ROCK2: variants seen among roughly 807,000 people sequenced by gnomAD.
The protein encoded by ROCK2 is rho-associated protein kinase 2.
Under a neutral mutation model 195.1 loss-of-function variants are expected in ROCK2, and 61 were observed. The ratio of observed to expected loss-of-function variants is 0.31; its 90% CI spans 0.25 to 0.39. The LOEUF is 0.39. Among genes scored for constraint, ROCK2 ranks in the 10% least tolerant of loss-of-function variants. The pLI, the probability that ROCK2 is intolerant of heterozygous loss-of-function variation, is 1.00. For missense variants in ROCK2, 1,109 were observed against 1,637.4 expected, an observed-to-expected ratio of 0.68 and a Z score of 5.57; for synonymous variants, 504 against 545.5, an observed-to-expected ratio of 0.92 and a Z score of 1.06.
intron 3 of ROCK2, 69 bp downstream of exon 3, chr2:11,286,470 G>A: frequency 1.0e-6 from 1 of 978,988 alleles, no homozygotes; most frequent in Non-Finnish European, 1.6e-6. Context: ...GATCTACTCA[G>A]CTGCTATTGA....
At chr2:11,249,551 C>A (rs530079949) in intron 4 of ROCK2, 110 bp downstream of exon 4, 2 of 802,036 alleles carry the variant, frequency 2.5e-6, no homozygotes, top group Non-Finnish European at 3.6e-6. Flanking sequence ...AAAATAACTG[C>A]ACTGTTACCA....
chr2:11,215,183 A>C, intron 15 of ROCK2, 97 bp from the exon 16 acceptor site: 1 of 1,509,162 alleles, frequency 6.6e-7, no homozygotes, highest in Non-Finnish European at 8.9e-7. Flanking sequence ...TATTTAAAAT[A>C]AACAAAAACC....
At chr2:11,226,687 G>C (rs1012161608) in intron 6 of ROCK2, among the ~76,000 whole-genome samples, 7 of 152,008 alleles carry the variant, frequency 4.6e-5, no homozygotes, top group Non-Finnish European at 7.4e-5. Flanking sequence ...TGAGGTGGGA[G>C]TAACACTTGA....
At chr2:11,338,105 G>T (rs567673531) in intron 1 of ROCK2, among the ~76,000 whole-genome samples, 21 of 152,154 alleles carry the variant, frequency 1.4e-4, no homozygotes, top group Non-Finnish European at 2.2e-4. Flanking sequence ...ACGTTTTCAG[G>T]GGCTGAGGCT....
At chr2:11,275,182 G>A (rs754005526) in intron 3 of ROCK2, among the ~76,000 whole-genome samples, 1 of 151,864 alleles carries the variant, frequency 6.6e-6, no homozygotes, top group African/African-American at 2.4e-5. Flanking sequence ...GCTTGAACCC[G>A]GGAGGCAGAG....
At chr2:11,308,046 C>G (rs1200302991) in intron 1 of ROCK2, 2 of 1,594,940 alleles carry the variant, frequency 1.3e-6, no homozygotes, top group South Asian at 1.1e-5. Context: ...GACCCGGAGT[C>G]TGCTGCAGCG....
intron 3 of ROCK2, among the ~76,000 whole-genome samples, chr2:11,276,800 C>T (rs1329604186): frequency 2.6e-5 from 4 of 151,864 alleles, no homozygotes; most frequent in Admixed American, 1.3e-4. Flanking sequence ...TGTATGTATA[C>T]ATATATATGC....
intron 5 of ROCK2, among the ~76,000 whole-genome samples, chr2:11,232,879 G>T (rs1239205208): frequency 2.0e-5 from 3 of 152,166 alleles, no homozygotes; most frequent in Non-Finnish European, 2.9e-5. Context: ...AGAAATGACT[G>T]ACAAATATAT....
chr2:11,279,992 A>G (rs1419313514), intron 3 of ROCK2, among the ~76,000 whole-genome samples: 1 of 152,216 alleles, frequency 6.6e-6, no homozygotes, highest in East Asian at 1.9e-4. Context: ...ATGAAAATAA[A>G]AACAAAACTT....
intron 1 of ROCK2, among the ~76,000 whole-genome samples, chr2:11,296,000 A>G (rs1321691840): frequency 1.4e-3 from 33 of 22,918 alleles, no homozygotes; most frequent in African/African-American, 3.1e-3. Context: ...GGAGAGAGAG[A>G]GAGAGGAGAG....
At chr2:11,327,266 T>C (rs994050958) in intron 1 of ROCK2, among the ~76,000 whole-genome samples, 2 of 152,162 alleles carry the variant, frequency 1.3e-5, no homozygotes, top group East Asian at 1.9e-4. Flanking sequence ...TTTAGAGATG[T>C]CAAGGAACTA....
At chr2:11,194,612 C>A (rs10180961) in intron 28 of ROCK2, among the ~76,000 whole-genome samples, 61,549 of 144,882 alleles carry the variant, frequency 0.42, 13,716 homozygotes, top group Admixed American at 0.53. Context: ...CATTAGTAAC[C>A]TTCTCAAAAA....
At chr2:11,307,799 T>C (rs766783435) in intron 1 of ROCK2, among the ~76,000 whole-genome samples, 2 of 152,172 alleles carry the variant, frequency 1.3e-5, no homozygotes, top group Admixed American at 1.3e-4. Flanking sequence ...TTGTTGCATA[T>C]GTACTGAACA....
chr2:11,233,205 C>T (rs978287670), intron 5 of ROCK2, among the ~76,000 whole-genome samples: 7 of 152,188 alleles, frequency 4.6e-5, no homozygotes, highest in South Asian at 4.2e-4. Context: ...TAGAGGAGAC[C>T]GTGTCTACAA....
At chr2:11,309,918 T>C (rs1454647003) in intron 1 of ROCK2, among the ~76,000 whole-genome samples, 1 of 152,018 alleles carries the variant, frequency 6.6e-6, no homozygotes, top group Non-Finnish European at 1.5e-5. Context: ...GAGGCAAAAG[T>C]TGGAGTGAGC....
chr2:11,295,985 AGAGAGGAGAGAGAGAGAGAG>A (rs1558369560), intron 1 of ROCK2, among the ~76,000 whole-genome samples: 2 of 44,932 alleles, frequency 4.5e-5, no homozygotes, highest in African/African-American at 1.1e-4. Context: ...AGAGAGAGAG[AGAGAGGAGAGAGAGAGAGAG>A]GAGAGAGAGA....
chr2:11,254,549 T>G (rs150062694), intron 3 of ROCK2, among the ~76,000 whole-genome samples: 50 of 151,852 alleles, frequency 3.3e-4, no homozygotes, highest in East Asian at 1.9e-3. Context: ...TGGTAAAACA[T>G]AAACACTGGA....
At chr2:11,334,591 A>G (rs1668867098) in intron 1 of ROCK2, among the ~76,000 whole-genome samples, 2 of 152,124 alleles carry the variant, frequency 1.3e-5, no homozygotes, top group Admixed American at 6.6e-5. Context: ...ACTCGTACTA[A>G]AAGAGCTCAT....
rs1006571496 is a variant in ROCK2 at position 11,180,394 on chromosome 2, C to G, written c.*3043G>C. The G allele has an allele frequency of 6.6e-6, 1 of 152,170 alleles. No homozygotes were observed. Among genetic ancestry groups the G allele is most frequent in the African/African-American group, 2.4e-5 (1 of 41,434 alleles). The allele number at this position is 152,170 out of a possible 1,614,324, so 9.4% of individuals were successfully genotyped here. ...CTAACACAGGTTAGTTTTAAAGGCACTAACCTTTACTTTGGCTTTACTGGT... is the reference window on the plus strand; with the variant it reads ...CTAACACAGGTTAGTTTTAAAGGCAGTAACCTTTACTTTGGCTTTACTGGT... On this transcript the variant is annotated 3_prime_UTR_variant, in exon 33 of 33. Transcript: ENST00000315872.
Sources: gnomAD v4.1 joint callset for allele counts (sites outside exome capture counted in the v4.1 genomes callset) on GRCh38, gnomAD v4.1.1 for gene constraint, MANE v1.5 for transcripts, NCBI Gene and HGNC (gene_info 2026-07-23, HGNC 2026-07-21) for gene names.